Variants in S100A7A observed in about 807,000 individuals in gnomAD.
S100A7A encodes protein S100-A7A.
Under a neutral mutation model 4.0 loss-of-function variants are expected in S100A7A, and 5 were observed. The observed-to-expected ratio is 1.26, with a 90% CI of 0.66 to 2.66. The LOEUF (loss-of-function observed/expected upper bound fraction) is 2.66. Ranked by LOEUF, S100A7A falls within the 30% of genes most tolerant of loss-of-function variation. The pLI is 0.01. For synonymous variants in S100A7A, 52 were observed against 46.4 expected, an observed-to-expected ratio of 1.12 and a Z score of -0.49; for missense variants, 159 against 125.1, an observed-to-expected ratio of 1.27 and a Z score of -1.29.
chr1:153,418,045 G>A, intron 1 of S100A7A, 21 bp from the exon 2 acceptor site: 3 of 1,612,178 alleles, frequency 1.9e-6, no homozygotes, highest in African/African-American at 1.3e-5. Context: ...GGTAAGAAAT[G>A]ATTGTCTTTA....
At position 153,419,178 on chromosome 1, in the gene S100A7A, T is replaced by C. The variant is rs202031146; in HGVS notation, c.175T>C (p.Phe59Leu). The part of the protein sequence containing the change: ...KKGIHYLATV[F>L]EKKDKNEDKK... ...GGGCATACATTACCTCGCCACTGTC[T>C]TTGAGAAAAAGGACAAGAATGAGGA... The change falls in exon 3 of 3, where the codon TTT becomes CTT. Residue 59 changes from phenylalanine (F) to leucine (L), a missense_variant. Coordinates refer to ENST00000368729, the MANE Select transcript of S100A7A (RefSeq NM_176823.4). 22 of 1,614,088 alleles carry C rather than the reference T, an allele frequency of 1.4e-5. No homozygotes were observed. The highest frequency in any genetic ancestry group is 1.7e-5 in the Non-Finnish European group (20 of 1,180,028).
At position 153,421,232 on chromosome 1, in the gene S100A7A, T is replaced by C. The variant is rs1662891177; in HGVS notation, c.*1923T>C. The C allele has an allele frequency of 6.6e-6, 1 of 152,240 alleles. No individual in the cohort carries two copies. The highest frequency in any genetic ancestry group is 2.4e-5 in the African/African-American group (1 of 41,464). The allele number at this position is 152,240 out of a possible 1,614,324, so 9.4% of individuals were successfully genotyped here. A position where few individuals can be genotyped will look rare whatever the true frequency, so the allele number is the denominator to read the frequency against. ...ATTACATTTCAAGGCTGAGCTTTAA[T>C]GTCAGTGTCTCTTAGACATTCAGAG... On this transcript the variant is annotated 3_prime_UTR_variant, in exon 3 of 3. Transcript: ENST00000368729.
rs570143878 is a variant in S100A7A, at chr1:153,419,920, T to A, written c.*611T>A. 1.3e-5 allele frequency: 2 copies of A among 153,324 alleles called. No individual in the cohort carries two copies. The highest frequency in any genetic ancestry group is 4.1e-4 in the South Asian group (2 of 4,842). The allele number at this position is 153,324 out of a possible 1,614,324, so 9.5% of individuals were successfully genotyped here. On this transcript the variant is annotated 3_prime_UTR_variant, in exon 3 of 3. Coordinates refer to ENST00000368729, the MANE Select transcript of S100A7A (RefSeq NM_176823.4). ...GGCAGTGTCCTTTCCCTGTGCTGTG[T>A]GCTTGTGTGCATGTGCCTATGTGGG... is the stretch of plus-strand genomic sequence containing the variant.
At position 153,420,010 on chromosome 1, in the gene S100A7A, A is replaced by G. The variant is rs180911976; in HGVS notation, c.*701A>G. 1.3e-5 allele frequency: 2 copies of G among 152,582 alleles called. No homozygotes were observed. The highest frequency in any genetic ancestry group is 1.9e-4 in the East Asian group (1 of 5,184). 9.5% of individuals were successfully genotyped at this position (152,582 alleles called of 1,614,324 possible). A position where few individuals can be genotyped will look rare whatever the true frequency, so the allele number is the denominator to read the frequency against. On this transcript the variant is annotated 3_prime_UTR_variant, in exon 3 of 3. Coordinates refer to ENST00000368729, the MANE Select transcript of S100A7A (RefSeq NM_176823.4). ...GCTGTCCTAAATGATGGTTTGCTCAATGCCAGGACTGGGTTTCTGGTGATG... is the reference window on the plus strand; with the variant it reads ...GCTGTCCTAAATGATGGTTTGCTCAGTGCCAGGACTGGGTTTCTGGTGATG...
intron 1 of S100A7A, chr1:153,417,820 T>C (rs1662765120): frequency 2.2e-6 from 1 of 452,126 alleles, no homozygotes; most frequent in Admixed American, 3.7e-5. Flanking sequence ...TGAAGCACTG[T>C]CCACAGCTGG....
In S100A7A at chr1:153,419,315, C is replaced by T; in HGVS notation, c.*6C>T. 1.2e-6 allele frequency: 2 copies of T among 1,613,238 alleles called. No individual in the cohort carries two copies. Among genetic ancestry groups the T allele is most frequent in the South Asian group, 1.1e-5 (1 of 90,928 alleles). ...GTTCTGGGGGAAGCCAGTGATCCAG[C>T]CCCACCAAGGGGCCTCCAGAGACCC... On this transcript the variant is annotated 3_prime_UTR_variant, in exon 3 of 3. Transcript: ENST00000368729.
chr1:153,420,158 G>A lies in S100A7A; in HGVS notation c.*849G>A, dbSNP rs1662859882. On this transcript the variant is annotated 3_prime_UTR_variant, in exon 3 of 3. Coordinates refer to ENST00000368729, the MANE Select transcript of S100A7A (RefSeq NM_176823.4). ...CTGACACAGAGAGCTCATGCTGACT[G>A]TGATGAGAAATTGCAGCACCTCTAT... 6.6e-6 allele frequency: 1 copy of A among 152,240 alleles called. No individual in the cohort carries two copies. The allele number at this position is 152,240 out of a possible 1,614,324, so 9.4% of individuals were successfully genotyped here. A position where few individuals can be genotyped will look rare whatever the true frequency, so the allele number is the denominator to read the frequency against.
In S100A7A at chr1:153,419,560, C is replaced by T. The variant is rs1011895659; in HGVS notation, c.*251C>T. 43 of 509,652 alleles carry T rather than the reference C, an allele frequency of 8.4e-5. 1 individual carries two copies. In the South Asian group the frequency reaches 1.1e-3, roughly 13 times the overall value. 31.6% of individuals were successfully genotyped at this position (509,652 alleles called of 1,614,324 possible). A position where few individuals can be genotyped will look rare whatever the true frequency, so the allele number is the denominator to read the frequency against. ...CTCTCACACAGGTCCTGGTGTCTGCCTCTGCACCGTTCCCTAAATGCAGCC... is the reference window on the plus strand; with the variant it reads ...CTCTCACACAGGTCCTGGTGTCTGCTTCTGCACCGTTCCCTAAATGCAGCC... On this transcript the variant is annotated 3_prime_UTR_variant, in exon 3 of 3. Coordinates refer to ENST00000368729, the MANE Select transcript of S100A7A (RefSeq NM_176823.4).
chr1:153,418,759 T>A (rs771655788), intron 2 of S100A7A, among the ~76,000 whole-genome samples: 1 of 151,026 alleles, frequency 6.6e-6, no homozygotes, highest in Non-Finnish European at 1.5e-5. Flanking sequence ...GGAGAGGAGG[T>A]CAGAGAAAGA....
In S100A7A at chr1:153,418,175, C is replaced by T; in HGVS notation, c.93C>T (p.Ser31=). 6.2e-7 allele frequency: 1 copy of T among 1,614,012 alleles called. No homozygotes were observed. Among genetic ancestry groups the T allele is most frequent in the Non-Finnish European group, 8.5e-7 (1 of 1,179,936 alleles). Residue 31 remains serine, a synonymous_variant, in exon 2 of 3, where the codon AGC becomes AGT. Transcript: ENST00000368729. ...GTGATGGCAAGATTGAGAAGCCAAGCCTGCTGACGATGATGAAGGAGAACT... is the reference window on the plus strand; with the variant it reads ...GTGATGGCAAGATTGAGAAGCCAAGTCTGCTGACGATGATGAAGGAGAACT... ...TGRDGKIEKP[S]LLTMMKENFP...
chr1:153,418,696 A>T (rs575855252), intron 2 of S100A7A, among the ~76,000 whole-genome samples: 6 of 152,368 alleles, frequency 3.9e-5, no homozygotes, highest in South Asian at 2.1e-4. Flanking sequence ...AAGGGTCTAG[A>T]TGACCAAGAG....
At position 153,418,751 on chromosome 1, in the gene S100A7A, AGAG is replaced by A. The variant is rs376863109; in HGVS notation, c.142-389_142-387del. 4.4e-4 allele frequency among the ~76,000 whole-genome samples: 67 copies of A among 152,328 alleles called. No homozygotes were observed. In the East Asian group the frequency reaches 0.012, roughly 27 times the overall value. ...GTTTGGTGGAAAAGGAGAAGAAAGG[AGAG>A]GAGGTCAGAGAAAGAAGAGAACAAA... On this transcript the variant is annotated intron_variant, in intron 2 of 2. Coordinates refer to ENST00000368729, the MANE Select transcript of S100A7A (RefSeq NM_176823.4).
At chr1:153,417,977 T>C in intron 1 of S100A7A, 89 bp from the exon 2 acceptor site, 1 of 1,501,566 alleles carries the variant, frequency 6.7e-7, no homozygotes, top group Admixed American at 2.0e-5. Flanking sequence ...GGGCTGTTTT[T>C]ACTCTGTCCT....
rs552171724 is a variant in S100A7A at position 153,422,473 on chromosome 1, G to T, written c.*3164G>T. The T allele has an allele frequency of 3.1e-6, 3 of 967,068 alleles. No individual in the cohort carries two copies. Among genetic ancestry groups the T allele is most frequent in the Non-Finnish European group, 1.2e-6 (1 of 813,356 alleles). The allele number at this position is 967,068 out of a possible 1,614,324, so 59.9% of individuals were successfully genotyped here. A position where few individuals can be genotyped will look rare whatever the true frequency, so the allele number is the denominator to read the frequency against. ...TTAATAGCTACTGGACATTATATTGGTACTAAAGAGAAAGAATACTTGACA... is the reference window on the plus strand; with the variant it reads ...TTAATAGCTACTGGACATTATATTGTTACTAAAGAGAAAGAATACTTGACA... On this transcript the variant is annotated 3_prime_UTR_variant, in exon 3 of 3. Coordinates refer to ENST00000368729, the MANE Select transcript of S100A7A (RefSeq NM_176823.4).
At chr1:153,418,448 C>G (rs1662797048) in intron 2 of S100A7A, among the ~76,000 whole-genome samples, 1 of 152,112 alleles carries the variant, frequency 6.6e-6, no homozygotes, top group South Asian at 2.1e-4. Flanking sequence ...ATTAGATGGT[C>G]AGCAAAGTGT....
Position 153,420,842 on chromosome 1 carries a change from T to C in S100A7A, c.*1533T>C, listed in dbSNP as rs3014817. On this transcript the variant is annotated 3_prime_UTR_variant, in exon 3 of 3. Coordinates refer to ENST00000368729, the MANE Select transcript of S100A7A (RefSeq NM_176823.4). Reference sequence around the variant, plus strand: ...GCTGCCTTCTCTATGCAGCCTGCCCTCCATCATCCACCCCAGAATTGCTCT... The same window carrying C: ...GCTGCCTTCTCTATGCAGCCTGCCCCCCATCATCCACCCCAGAATTGCTCT... 28,377 of 151,592 alleles carry C rather than the reference T, an allele frequency of 0.19. 4,405 individuals are homozygous for C. The highest frequency in any genetic ancestry group is 0.43 in the African/African-American group (17,453 of 40,906). The allele number at this position is 151,592 out of a possible 1,614,324, so 9.4% of individuals were successfully genotyped here. A position where few individuals can be genotyped will look rare whatever the true frequency, so the allele number is the denominator to read the frequency against.
Position 153,420,997 on chromosome 1 carries a change from C to G in S100A7A, c.*1688C>G, listed in dbSNP as rs1027621726. The stretch of plus-strand genomic sequence containing the variant: ...GGGACTGCTGGTCACTGCTTAGAAC[C>G]GTCATGCCAGGGTCCCAAAAGTGTG... On this transcript the variant is annotated 3_prime_UTR_variant, in exon 3 of 3. Coordinates refer to ENST00000368729, the MANE Select transcript of S100A7A (RefSeq NM_176823.4). 1 of 152,274 alleles carries G rather than the reference C, an allele frequency of 6.6e-6. No homozygotes were observed. The highest frequency in any genetic ancestry group is 1.5e-5 in the Non-Finnish European group (1 of 68,162). 9.4% of individuals were successfully genotyped at this position (152,274 alleles called of 1,614,324 possible). A position where few individuals can be genotyped will look rare whatever the true frequency, so the allele number is the denominator to read the frequency against.
Position 153,422,655 on chromosome 1 carries a change from G to T in S100A7A, c.*3346G>T. 1 of 264,346 alleles carries T rather than the reference G, an allele frequency of 3.8e-6. No homozygotes were observed. The highest frequency in any genetic ancestry group is 5.8e-6 in the Non-Finnish European group (1 of 171,058). The allele number at this position is 264,346 out of a possible 1,614,324, so 16.4% of individuals were successfully genotyped here. A position where few individuals can be genotyped will look rare whatever the true frequency, so the allele number is the denominator to read the frequency against. On this transcript the variant is annotated 3_prime_UTR_variant, in exon 3 of 3. Coordinates refer to ENST00000368729, the MANE Select transcript of S100A7A (RefSeq NM_176823.4). ...GGCTGGAGTGCTGTGAGCTGTCCGTGGTGCTGAATTCACTGTGACGTCACT... is the reference window on the plus strand; with the variant it reads ...GGCTGGAGTGCTGTGAGCTGTCCGTTGTGCTGAATTCACTGTGACGTCACT...
rs760638093 is a variant in S100A7A at position 153,422,350 on chromosome 1, A to G, written c.*3041A>G. 5 of 205,702 alleles carry G rather than the reference A, an allele frequency of 2.4e-5. No homozygotes were observed. Among genetic ancestry groups the G allele is most frequent in the Non-Finnish European group, 4.3e-5 (5 of 116,864 alleles). The allele number at this position is 205,702 out of a possible 1,614,324, so 12.7% of individuals were successfully genotyped here. A position where few individuals can be genotyped will look rare whatever the true frequency, so the allele number is the denominator to read the frequency against. On this transcript the variant is annotated 3_prime_UTR_variant, in exon 3 of 3. Transcript: ENST00000368729. ...CTGCATTGGAAGGAGGACATTTTAG[A>G]GCAAGGCCTAAGGGCACAGGTATTA... is the stretch of plus-strand genomic sequence containing the variant.
Sources: gnomAD v4.1 joint callset for allele counts (sites outside exome capture counted in the v4.1 genomes callset) on GRCh38, gnomAD v4.1.1 for gene constraint, MANE v1.5 for transcripts, NCBI Gene and HGNC (gene_info 2026-07-23, HGNC 2026-07-21) for gene names.